The following CNGB1 variants were observed in gnomAD, a reference collection of about 807,000 sequenced individuals.
The protein encoded by CNGB1 is cyclic nucleotide gated channel subunit beta 1, also known as cyclic nucleotide-gated channel beta-1.
A neutral mutation model predicts 151.7 loss-of-function variants in CNGB1; 126 were observed. That is an observed-to-expected ratio of 0.83 (90% CI 0.72 to 0.96). CNGB1 has a LOEUF of 0.96. Ranked by LOEUF, CNGB1 falls within the 40% of genes least tolerant of loss-of-function variation. CNGB1 has a pLI of 0.00. For missense variants in CNGB1, 1,698 were observed against 1,627.0 expected (o/e 1.04, Z -0.75); for synonymous variants, 623 against 635.1 (o/e 0.98, Z 0.29).
chr16:57,923,210 C>T (rs1164825431), intron 18 of CNGB1, 63 bp downstream of exon 18: 9 of 1,239,514 alleles, frequency 7.3e-6, no homozygotes, highest in African/African-American at 1.5e-5. Context: ...CCACACTAGC[C>T]CCCCCACATC....
chr16:57,954,365 C>T (rs1221539680), intron 12 of CNGB1, among the ~76,000 whole-genome samples: 1 of 152,218 alleles, frequency 6.6e-6, no homozygotes, highest in Non-Finnish European at 1.5e-5. Flanking sequence ...AGACTGTCCT[C>T]ACAAGCACAG....
intron 2 of CNGB1, among the ~76,000 whole-genome samples, chr16:57,965,947 C>T (rs1267342075): frequency 3.9e-5 from 6 of 152,180 alleles, no homozygotes; most frequent in African/African-American, 9.7e-5. Context: ...TGTACATATA[C>T]GTGTATATAC....
intron 25 of CNGB1, among the ~76,000 whole-genome samples, chr16:57,908,447 C>T (rs1388020688): frequency 1.3e-5 from 2 of 152,242 alleles, no homozygotes; most frequent in South Asian, 2.1e-4. Context: ...GAGGCGGGCA[C>T]CCTTCGGTGA....
rs77128930 is a variant in CNGB1, at chr16:57,883,843, C to G, written c.*321G>C. 291 of 479,646 alleles carry G rather than the reference C, an allele frequency of 6.1e-4. 2 individuals carry two copies. In the East Asian group the frequency reaches 0.011, roughly 17 times the overall value. 29.7% of individuals were successfully genotyped at this position (479,646 alleles called of 1,614,324 possible). ...ATTGGAGCCTCATTTTATCCCTCAC[C>G]CATGAACTTTAAAAGTGGAAAATCA... is the stretch of plus-strand genomic sequence containing the variant. On this transcript the variant is annotated 3_prime_UTR_variant, in exon 33 of 33. Transcript: ENST00000251102.
intron 25 of CNGB1, among the ~76,000 whole-genome samples, chr16:57,909,075 C>G (rs1310499356): frequency 6.6e-6 from 1 of 152,198 alleles, no homozygotes; most frequent in Non-Finnish European, 1.5e-5. Flanking sequence ...CCGAGACCAG[C>G]CTGGGCCACA....
At chr16:57,936,925 C>A (rs1430361537) in intron 16 of CNGB1, among the ~76,000 whole-genome samples, 4 of 152,176 alleles carry the variant, frequency 2.6e-5, no homozygotes, top group African/African-American at 9.7e-5. Flanking sequence ...AAGTCACTAT[C>A]ACAAAGCAGG....
chr16:57,954,528 C>A, intron 12 of CNGB1: 1 of 243,656 alleles, frequency 4.1e-6, no homozygotes. Context: ...AGCTGGGAGC[C>A]AGGACCCCCA....
In CNGB1 at chr16:57,898,050, G is replaced by C. The variant is rs937896288; in HGVS notation, c.2977-136C>G. On this transcript the variant is annotated intron_variant, in intron 29 of 32. Coordinates refer to ENST00000251102, the MANE Select transcript of CNGB1 (RefSeq NM_001297.5). ...GGGTCCAGCCCTGCCACCACAACTTGGGGTGTCGTGTGGGGGCAGTCACTT... is the reference window on the plus strand; with the variant it reads ...GGGTCCAGCCCTGCCACCACAACTTCGGGTGTCGTGTGGGGGCAGTCACTT... 23 of 858,096 alleles carry C rather than the reference G, an allele frequency of 2.7e-5. No homozygotes were observed. The African/African-American group carries it at 3.3e-4, about 12-fold the overall frequency. 53.2% of individuals were successfully genotyped at this position (858,096 alleles called of 1,614,324 possible).
chr16:57,961,640 G>C (rs1211466259), intron 7 of CNGB1, among the ~76,000 whole-genome samples: 1 of 119,004 alleles, frequency 8.4e-6, no homozygotes, highest in African/African-American at 3.0e-5. Flanking sequence ...AGGAATGAAT[G>C]AATGAATGAA....
intron 14 of CNGB1, among the ~76,000 whole-genome samples, chr16:57,941,749 A>G (rs1393498434): frequency 1.3e-5 from 2 of 152,230 alleles, no homozygotes; most frequent in Non-Finnish European, 2.9e-5. Flanking sequence ...CATCATACCT[A>G]ATGGTGAAAA....
intron 16 of CNGB1, 145 bp from the exon 17 acceptor site, chr16:57,932,023 G>T: frequency 1.1e-6 from 1 of 900,364 alleles, no homozygotes; most frequent in Non-Finnish European, 1.7e-6. Flanking sequence ...ACACAGAAAA[G>T]CTCCATGCAG....
intron 25 of CNGB1, among the ~76,000 whole-genome samples, chr16:57,906,452 G>A (rs1391772574): frequency 6.6e-6 from 1 of 152,206 alleles, no homozygotes; most frequent in East Asian, 1.9e-4. Context: ...CGTGCAATGC[G>A]TGCAGGAAGG....
At chr16:57,960,999 C>T in intron 7 of CNGB1, 84 bp from the exon 8 acceptor site, 1 of 1,285,154 alleles carries the variant, frequency 7.8e-7, no homozygotes, top group Non-Finnish European at 1.1e-6. Context: ...AGGCCTCAAC[C>T]AGCCATTCCG....
At chr16:57,942,759 A>C (rs1317273757) in intron 14 of CNGB1, among the ~76,000 whole-genome samples, 1 of 151,790 alleles carries the variant, frequency 6.6e-6, no homozygotes, top group African/African-American at 2.4e-5. Flanking sequence ...GCTACTTGGA[A>C]GGCTGAGGTG....
chr16:57,897,729 G>A (rs1960272894), intron 30 of CNGB1, 67 bp downstream of exon 30: 1 of 1,560,090 alleles, frequency 6.4e-7, no homozygotes, highest in African/African-American at 1.4e-5. Context: ...CACTCGCACT[G>A]CCCGCTGGCC....
At chr16:57,917,546 G>A in intron 20 of CNGB1, 70 bp from the exon 21 acceptor site, 4 of 1,508,226 alleles carry the variant, frequency 2.7e-6, no homozygotes, top group Non-Finnish European at 3.7e-6. Flanking sequence ...GGATCAGGTA[G>A]GGTTTTGTTC....
At chr16:57,954,785 C>T in intron 12 of CNGB1, 1 of 989,580 alleles carries the variant, frequency 1.0e-6, no homozygotes, top group South Asian at 4.6e-5. Flanking sequence ...GGGAGAACCT[C>T]TTCTGGGAAA....
intron 17 of CNGB1, among the ~76,000 whole-genome samples, chr16:57,927,410 C>T (rs1961219384): frequency 6.6e-6 from 1 of 152,256 alleles, no homozygotes; most frequent in Non-Finnish European, 1.5e-5. Context: ...GAACTCTCCC[C>T]TCTCAGGGCT....
chr16:57,897,762 C>A, intron 30 of CNGB1, 34 bp downstream of exon 30: 1 of 1,607,190 alleles, frequency 6.2e-7, no homozygotes, highest in South Asian at 1.1e-5. Context: ...AGCCCTTGCC[C>A]CAGGCCCCTC....
Sources: gnomAD v4.1 joint callset for allele counts (sites outside exome capture counted in the v4.1 genomes callset) on GRCh38, gnomAD v4.1.1 for gene constraint, MANE v1.5 for transcripts, NCBI Gene and HGNC (gene_info 2026-07-23, HGNC 2026-07-21) for gene names.